The following CD44 variants were observed in gnomAD, a reference collection of about 807,000 sequenced individuals.
CD44 encodes the protein CD44 antigen.
A neutral mutation model predicts 88.8 loss-of-function variants in CD44; 49 were observed. The observed-to-expected ratio is 0.55, with a 90% CI of 0.44 to 0.70. The LOEUF is 0.70. Ranked by LOEUF, CD44 falls within the 30% of genes least tolerant of loss-of-function variation. The probability of loss-of-function intolerance (pLI) is 0.00; values close to 1 mark genes in which losing one functional copy is unlikely to be tolerated. For synonymous variants in CD44, 325 were observed against 312.3 expected (o/e 1.04, Z -0.43); for missense variants, 883 against 913.8 (o/e 0.97, Z 0.43).
intron 17 of CD44, chr11:35,222,741 C>CA: frequency 1.0e-6 from 1 of 971,696 alleles, no homozygotes; most frequent in Non-Finnish European, 1.2e-6. Context: ...TTTAAAGATA[C>CA]ATTATTTTTC....
intron 1 of CD44, among the ~76,000 whole-genome samples, chr11:35,176,154 TGCCTCA>T (rs1944444707): frequency 6.6e-6 from 1 of 151,536 alleles, no homozygotes; most frequent in Non-Finnish European, 1.5e-5. Flanking sequence ...GCCATTCTCC[TGCCTCA>T]GCCTCCGGAG....
At chr11:35,182,009 G>T (rs7944818) in intron 3 of CD44, among the ~76,000 whole-genome samples, 58,118 of 109,528 alleles carry the variant, frequency 0.53, 16,002 homozygotes, top group African/African-American at 0.7. Context: ...TTATATATAT[G>T]TATATATGTA....
chr11:35,208,380 G>A (rs1177823967), intron 12 of CD44, among the ~76,000 whole-genome samples, 174 bp downstream of exon 12: 4 of 152,160 alleles, frequency 2.6e-5, no homozygotes, highest in Non-Finnish European at 5.9e-5. Context: ...CTCTCAACCT[G>A]ATTTTCCCTT....
At position 35,196,924 on chromosome 11, in the gene CD44, A is replaced by G. The variant is rs1373431076; in HGVS notation, c.796+50A>G. On this transcript the variant is annotated intron_variant, in intron 6 of 17. Transcript: ENST00000428726. ...GCGTATGTTTTCTTGACAGCCTTGAATAATTTTGATTGACCTCTGGGATGT... is the reference window on the plus strand; with the variant it reads ...GCGTATGTTTTCTTGACAGCCTTGAGTAATTTTGATTGACCTCTGGGATGT... 2.5e-6 allele frequency: 4 copies of G among 1,582,414 alleles called. No homozygotes were observed. The East Asian group carries it at 9.0e-5, about 36-fold the overall frequency.
chr11:35,189,826 C>T lies in CD44; in HGVS notation c.437-9C>T. The T allele has an allele frequency of 6.3e-7, 1 of 1,587,344 alleles. No individual in the cohort carries two copies. The highest frequency in any genetic ancestry group is 8.6e-7 in the Non-Finnish European group (1 of 1,157,174). ...GTGAAGTTCTGTAAGTACCTTTTCT[C>T]TCTCCCAGCTATTGTTAACCGTGAT... On this transcript the variant is annotated splice_polypyrimidine_tract_variant and intron_variant, in intron 4 of 17. Coordinates refer to ENST00000428726, the MANE Select transcript of CD44 (RefSeq NM_000610.4).
intron 3 of CD44, among the ~76,000 whole-genome samples, chr11:35,181,920 A>ATT (rs763739994): frequency 0.049 from 2,758 of 56,520 alleles, 156 homozygotes; most frequent in East Asian, 0.09. Context: ...TATATTATAT[A>ATT]TTATATTATA....
chr11:35,210,031 C>A lies in CD44; in HGVS notation c.1583C>A (p.Thr528Lys). The A allele has an allele frequency of 1.3e-6, 2 of 1,560,102 alleles. No homozygotes were observed. The highest frequency in any genetic ancestry group is 1.2e-5 in the South Asian group (1 of 81,918). Reference protein sequence around the residue: ...EGLEEDKDHPTTSTLTSSNRN... With the variant: ...EGLEEDKDHPKTSTLTSSNRN... ...TTGGAAGAAGATAAAGACCATCCAA[C>A]AACTTCTACTCTGACATCAAGCAGT... is the stretch of plus-strand genomic sequence containing the variant. The change falls in exon 13 of 18, where the codon ACA becomes AAA. Residue 528 changes from threonine (T) to lysine (K), a missense_variant. Physicochemically the swap from Thr to Lys is moderately conservative, Grantham distance 78. Around this residue, in one of 2 missense-constraint regions of CD44, gnomAD observed 631 missense variants for 590.9 expected, o/e 1.07. Coordinates refer to ENST00000428726, the MANE Select transcript of CD44 (RefSeq NM_000610.4).
At chr11:35,167,270 G>GTT (rs35217950) in intron 1 of CD44, among the ~76,000 whole-genome samples, 3 of 146,436 alleles carry the variant, frequency 2.0e-5, no homozygotes, top group Admixed American at 1.3e-4. Context: ...GTGTGTGTGT[G>GTT]TTTTTGTTTT....
intron 3 of CD44, among the ~76,000 whole-genome samples, chr11:35,186,320 T>C (rs1188824257): frequency 2.6e-5 from 4 of 152,270 alleles, no homozygotes; most frequent in African/African-American, 7.2e-5. Flanking sequence ...ATTGTCATGC[T>C]GTTCATGTTG....
intron 4 of CD44, 127 bp from the exon 5 acceptor site, chr11:35,189,708 C>A: frequency 1.5e-6 from 1 of 681,404 alleles, no homozygotes. Context: ...CACTCTCTCC[C>A]ACCACTGGAT....
chr11:35,205,855 C>A, intron 10 of CD44: 1 of 1,100,470 alleles, frequency 9.1e-7, no homozygotes. Context: ...GGTAACTCAT[C>A]CTTTCTGCAC....
In CD44 at chr11:35,211,498, A is replaced by G. The variant is rs1392776425; in HGVS notation, c.1810+49A>G. The G allele has an allele frequency of 2.2e-6, 3 of 1,365,792 alleles. 1 individual carries two copies. Among genetic ancestry groups the G allele is most frequent in the South Asian group, 2.3e-5 (2 of 85,268 alleles). The allele number at this position is 1,365,792 out of a possible 1,614,324, so 84.6% of individuals were successfully genotyped here. ...TTTGCTTTCTCTATATAGAGAAACA[A>G]TATATAGTTTCATATTACAGAGGAC... is the stretch of plus-strand genomic sequence containing the variant. On this transcript the variant is annotated intron_variant, in intron 14 of 17. Coordinates refer to ENST00000428726, the MANE Select transcript of CD44 (RefSeq NM_000610.4).
intron 2 of CD44, among the ~76,000 whole-genome samples, chr11:35,177,403 T>C (rs528764056): frequency 6.6e-6 from 1 of 152,348 alleles, no homozygotes; most frequent in African/African-American, 2.4e-5. Context: ...TCCAATGGCC[T>C]TGCGGTAAGC....
chr11:35,159,969 A>G (rs1333523070), intron 1 of CD44, among the ~76,000 whole-genome samples: 1 of 152,176 alleles, frequency 6.6e-6, no homozygotes, highest in Non-Finnish European at 1.5e-5. Flanking sequence ...AGGAGCTCAA[A>G]ACAATTGAGA....
intron 6 of CD44, chr11:35,197,719 CAA>C (rs550761818): frequency 7.8e-4 from 63 of 81,058 alleles, no homozygotes; most frequent in Admixed American, 1.6e-3. Flanking sequence ...GTGTCTTGAC[CAA>C]AAAAAAAAAA....
chr11:35,174,710 T>C (rs1408242597), intron 1 of CD44, among the ~76,000 whole-genome samples: 2 of 152,230 alleles, frequency 1.3e-5, no homozygotes, highest in Non-Finnish European at 2.9e-5. Context: ...GGCTTCATTT[T>C]CAATGCCATT....
chr11:35,171,638 A>G (rs530577201), intron 1 of CD44, among the ~76,000 whole-genome samples: 1 of 152,364 alleles, frequency 6.6e-6, no homozygotes, highest in South Asian at 2.1e-4. Context: ...AGATTAAAAG[A>G]TAAAAGTTTA....
intron 1 of CD44, among the ~76,000 whole-genome samples, chr11:35,149,281 C>A (rs1859834233): frequency 6.6e-6 from 1 of 152,166 alleles, no homozygotes; most frequent in South Asian, 2.1e-4. Context: ...GACTAAAAAT[C>A]ACCTCCATAT....
chr11:35,182,773 G>A (rs529604061), intron 3 of CD44, among the ~76,000 whole-genome samples: 1 of 152,228 alleles, frequency 6.6e-6, no homozygotes, highest in South Asian at 2.1e-4. Flanking sequence ...TGAGTCTCTG[G>A]GCACTGCTTA....
Sources: gnomAD v4.1 joint callset for allele counts (sites outside exome capture counted in the v4.1 genomes callset) on GRCh38, gnomAD v4.1.1 for gene constraint, gnomAD v4.1.1 regional missense constraint, MANE v1.5 for transcripts, NCBI Gene and HGNC (gene_info 2026-07-23, HGNC 2026-07-21) for gene names.